Variants in NDST3 observed in about 807,000 individuals in gnomAD.
NDST3 encodes the protein N-deacetylase and N-sulfotransferase 3.
In NDST3, 58 loss-of-function variants were observed where a neutral mutation model predicts 96.1. The observed-to-expected ratio is 0.60, with a 90% CI of 0.49 to 0.75. The LOEUF is 0.75. Among genes scored for constraint, NDST3 ranks in the 30% least tolerant of loss-of-function variants. The probability of loss-of-function intolerance (pLI) is 0.00; values close to 1 mark genes in which losing one functional copy is unlikely to be tolerated. For missense variants in NDST3, 788 were observed against 1,034.2 expected (o/e 0.76, Z 3.27); for synonymous variants, 333 against 359.7 (o/e 0.93, Z 0.84).
intron 6 of NDST3, among the ~76,000 whole-genome samples, chr4:118,190,268 T>C (rs1029417586): frequency 5.1e-4 from 78 of 152,228 alleles, no homozygotes; most frequent in African/African-American, 1.7e-3. Context: ...TTTCAAAAGA[T>C]GGTTCAAGTT....
At chr4:118,050,749 T>C (rs1725029563) in intron 1 of NDST3, among the ~76,000 whole-genome samples, 2 of 152,114 alleles carry the variant, frequency 1.3e-5, no homozygotes, top group African/African-American at 2.4e-5. Flanking sequence ...GAAAATACTT[T>C]TCATGCTCAT....
chr4:118,128,177 TC>T (rs1418778679), intron 4 of NDST3, among the ~76,000 whole-genome samples: 4 of 152,108 alleles, frequency 2.6e-5, no homozygotes, highest in Non-Finnish European at 4.4e-5. Flanking sequence ...GCCCTTCATT[TC>T]TTTCTCTTTT....
At chr4:118,146,376 C>T (rs1010510369) in intron 6 of NDST3, among the ~76,000 whole-genome samples, 4 of 152,174 alleles carry the variant, frequency 2.6e-5, no homozygotes. Flanking sequence ...TAAATACATT[C>T]ACATACATTT....
chr4:118,070,386 TGA>T (rs1320275102), intron 2 of NDST3, among the ~76,000 whole-genome samples: 1 of 152,030 alleles, frequency 6.6e-6, no homozygotes, highest in Non-Finnish European at 1.5e-5. Context: ...AATGCATGTG[TGA>T]GAAGGCTGGT....
Position 118,206,734 on chromosome 4 carries a change from C to CAA in NDST3, c.1540-17753_1540-17752dup, listed in dbSNP as rs1422868667. Among the ~76,000 whole-genome samples the CAA allele has an allele frequency of 3.5e-5, 5 of 143,610 alleles. 1 individual carries two copies. Among genetic ancestry groups the CAA allele is most frequent in the African/African-American group, 1.3e-4 (5 of 38,784 alleles). The allele number at this position is 143,610 out of a possible 152,430, so 94.2% of individuals were successfully genotyped here. A position where few individuals can be genotyped will look rare whatever the true frequency, so the allele number is the denominator to read the frequency against. On this transcript the variant is annotated intron_variant, in intron 6 of 13. Coordinates refer to ENST00000296499, the MANE Select transcript of NDST3 (RefSeq NM_004784.3). The stretch of plus-strand genomic sequence containing the variant: ...TAGAAAGTTATTAGAGTGGTTCAAG[C>CAA]AAAAAGTAACAAAGACTAACTCTCA...
intron 4 of NDST3, among the ~76,000 whole-genome samples, chr4:118,115,695 G>A (rs1731028122): frequency 6.6e-6 from 1 of 152,176 alleles, no homozygotes; most frequent in African/African-American, 2.4e-5. Context: ...ATGTGCTTGT[G>A]ATCAGAGAGA....
Position 118,133,699 on chromosome 4 carries a change from G to T in NDST3, c.1225-4355G>T, listed in dbSNP as rs189129934. Among the ~76,000 whole-genome samples, 19 of 152,182 alleles carry T rather than the reference G, an allele frequency of 1.2e-4. No homozygotes were observed. The East Asian group carries it at 3.3e-3, about 26-fold the overall frequency. On this transcript the variant is annotated intron_variant, in intron 4 of 13. Transcript: ENST00000296499. ...ACTGCAGTCTAAAAATTGCTTTCAAGTATTATTTACATAGATATTAAAATT... is the reference window on the plus strand; with the variant it reads ...ACTGCAGTCTAAAAATTGCTTTCAATTATTATTTACATAGATATTAAAATT...
In NDST3 at chr4:118,105,092, A is replaced by G; in HGVS notation, c.1056A>G (p.Lys352=). Residue 352 remains lysine (K), a synonymous_variant, in exon 3 of 14, where the codon AAA becomes AAG. Transcript: ENST00000296499. ...NFTFNLGFSG[K]FYHTGTEEED... Reference sequence around the variant, plus strand: ...CATTCAACCTGGGATTTTCAGGGAAATTTTACCATACAGGTAAGAAAAAGG... The same window carrying G: ...CATTCAACCTGGGATTTTCAGGGAAGTTTTACCATACAGGTAAGAAAAAGG... 1 of 1,612,614 alleles carries G rather than the reference A, an allele frequency of 6.2e-7. No homozygotes were observed. Among genetic ancestry groups the G allele is most frequent in the Non-Finnish European group, 8.5e-7 (1 of 1,178,822 alleles).
intron 2 of NDST3, among the ~76,000 whole-genome samples, chr4:118,087,455 C>T (rs1481594760): frequency 1.3e-5 from 2 of 152,096 alleles, no homozygotes; most frequent in African/African-American, 4.8e-5. Context: ...TCCACCTATA[C>T]ATTCACAGAT....
chr4:118,075,817 A>G (rs1440309915), intron 2 of NDST3, among the ~76,000 whole-genome samples: 5 of 152,174 alleles, frequency 3.3e-5, no homozygotes, highest in Non-Finnish European at 7.3e-5. Context: ...TCAGATGGGT[A>G]GATTGCAAAA....
intron 2 of NDST3, among the ~76,000 whole-genome samples, chr4:118,075,344 T>A (rs1727435059): frequency 6.6e-6 from 1 of 152,216 alleles, no homozygotes; most frequent in African/African-American, 2.4e-5. Flanking sequence ...TTGTGAATAG[T>A]GCCACAGTAA....
intron 1 of NDST3, among the ~76,000 whole-genome samples, chr4:118,045,691 C>T (rs1023319307): frequency 1.3e-5 from 2 of 151,970 alleles, no homozygotes; most frequent in African/African-American, 2.4e-5. Context: ...GAATGTTATT[C>T]GTGAACTTCA....
intron 2 of NDST3, among the ~76,000 whole-genome samples, chr4:118,073,151 C>T (rs2125804722): frequency 6.6e-6 from 1 of 152,094 alleles, no homozygotes; most frequent in Middle Eastern, 3.4e-3. Context: ...AGGATTTTTG[C>T]TTCTGTGTTC....
At chr4:118,241,920 A>G (rs1351251005) in intron 11 of NDST3, 120 bp from the exon 12 acceptor site, 1 of 626,446 alleles carries the variant, frequency 1.6e-6, no homozygotes, top group Non-Finnish European at 2.8e-6. Flanking sequence ...ATCTAACACC[A>G]ATGCATGCAA....
chr4:118,149,228 G>T (rs1266019550), intron 6 of NDST3, among the ~76,000 whole-genome samples: 3 of 152,066 alleles, frequency 2.0e-5, no homozygotes, highest in African/African-American at 7.2e-5. Context: ...GGATTGACTT[G>T]GCGATGCGGG....
intron 1 of NDST3, among the ~76,000 whole-genome samples, chr4:118,048,552 A>C (rs772337701): frequency 6.6e-5 from 10 of 152,210 alleles, no homozygotes; most frequent in Non-Finnish European, 8.8e-5. Context: ...ACAAATGGAA[A>C]ATATACAAAG....
At chr4:118,089,656 A>T (rs564271652) in intron 2 of NDST3, among the ~76,000 whole-genome samples, 36 of 152,138 alleles carry the variant, frequency 2.4e-4, no homozygotes, top group African/African-American at 7.2e-4. Context: ...TTTATGTTTT[A>T]TGCTTCACCT....
chr4:118,171,459 C>A (rs1219935092), intron 6 of NDST3, among the ~76,000 whole-genome samples: 1 of 152,176 alleles, frequency 6.6e-6, no homozygotes, highest in African/African-American at 2.4e-5. Flanking sequence ...CCTATCATAA[C>A]TCAGTAGGTT....
chr4:118,243,447 C>T (rs1291267299), intron 12 of NDST3, among the ~76,000 whole-genome samples: 1 of 152,154 alleles, frequency 6.6e-6, no homozygotes, highest in Non-Finnish European at 1.5e-5. Flanking sequence ...TTATTATTAA[C>T]CTTCTGACCT....
Sources: allele counts gnomAD v4.1 joint callset (sites outside exome capture counted in the v4.1 genomes callset), GRCh38; gene constraint gnomAD v4.1.1; transcripts MANE v1.5; gene names NCBI Gene and HGNC (gene_info 2026-07-23, HGNC 2026-07-21).